Variants in PRSS38 observed in about 807,000 individuals in gnomAD.
PRSS38 encodes serine protease 38.
A neutral mutation model predicts 26.8 loss-of-function variants in PRSS38; 22 were observed. That is an observed-to-expected ratio of 0.82 (90% CI 0.59 to 1.17). The LOEUF is 1.17. Among genes scored for constraint, PRSS38 ranks in the 50% most tolerant of loss-of-function variants. The pLI, the probability that PRSS38 is intolerant of heterozygous loss-of-function variation, is 0.00. For missense variants in PRSS38, 427 were observed against 422.7 expected (o/e 1.01, Z -0.09); for synonymous variants, 175 against 172.1 (o/e 1.02, Z -0.13).
chr1:227,830,072 T>G (rs559406665), intron 3 of PRSS38, among the ~76,000 whole-genome samples: 42 of 152,326 alleles, frequency 2.8e-4, no homozygotes, highest in Non-Finnish European at 5.4e-4. Flanking sequence ...TCCTGATTTT[T>G]ATGTTATTGA....
At chr1:227,835,818 C>T (rs1382453818) in intron 3 of PRSS38, among the ~76,000 whole-genome samples, 1 of 152,150 alleles carries the variant, frequency 6.6e-6, no homozygotes, top group Non-Finnish European at 1.5e-5. Context: ...TGACTTTTGG[C>T]TTGATGAAAA....
chr1:227,845,695 C>A, intron 4 of PRSS38, 83 bp downstream of exon 4: 2 of 1,497,438 alleles, frequency 1.3e-6, no homozygotes, highest in Non-Finnish European at 1.8e-6. Flanking sequence ...TGGCCTCCCA[C>A]TGACTAGCAG....
chr1:227,842,840 G>T (rs529933526), intron 3 of PRSS38, among the ~76,000 whole-genome samples: 1 of 152,020 alleles, frequency 6.6e-6, no homozygotes. Flanking sequence ...GCCTCCCAAA[G>T]TGCTGGGACT....
chr1:227,819,529 A>G (rs894942093), intron 3 of PRSS38, among the ~76,000 whole-genome samples: 4 of 152,236 alleles, frequency 2.6e-5, no homozygotes, highest in Non-Finnish European at 5.9e-5. Flanking sequence ...GGAATTTTAT[A>G]GGAATTGCAT....
intron 3 of PRSS38, among the ~76,000 whole-genome samples, chr1:227,827,705 G>A (rs1665095825): frequency 1.3e-5 from 2 of 151,036 alleles, no homozygotes; most frequent in South Asian, 2.1e-4. Flanking sequence ...GTTCAGCTCT[G>A]ATCTTGGTTA....
rs751429113 is a variant in PRSS38, at chr1:227,816,136, T to C, written c.195T>C (p.Pro65=). 1.4e-5 allele frequency: 22 copies of C among 1,613,578 alleles called. No homozygotes were observed. The highest frequency in any genetic ancestry group is 2.7e-5 in the African/African-American group (2 of 74,904). Residue 65 remains proline, a synonymous_variant, in exon 2 of 5, where the codon CCT becomes CCC. Coordinates refer to ENST00000366757, the Ensembl canonical transcript of PRSS38. This position sits in a 1 kb window ranked among gnomAD's most constrained non-coding sequence, Gnocchi z 5.1. The stretch of plus-strand genomic sequence containing the variant: ...AGGGGAAAATCCTGGGCGGCGTCCC[T>C]GCGCCCGAGAGGAAGTGGCCGTGGC...
intron 3 of PRSS38, among the ~76,000 whole-genome samples, chr1:227,843,929 A>T (rs907579652): frequency 2.0e-5 from 3 of 151,864 alleles, no homozygotes; most frequent in South Asian, 4.2e-4. Flanking sequence ...TGGAGGTTGC[A>T]GTGAGCCAAG....
At chr1:227,843,707 TA>T (rs901847049) in intron 3 of PRSS38, among the ~76,000 whole-genome samples, 20 of 136,946 alleles carry the variant, frequency 1.5e-4, no homozygotes, top group African/African-American at 4.1e-4. Context: ...AACTCCATCT[TA>T]AAAAAAAAAT....
chr1:227,831,862 A>G (rs1665158033), intron 3 of PRSS38, among the ~76,000 whole-genome samples: 1 of 152,216 alleles, frequency 6.6e-6, no homozygotes, highest in Non-Finnish European at 1.5e-5. Flanking sequence ...AAAAAAAAGA[A>G]AGAAAGAAAA....
chr1:227,819,740 T>A (rs1398414673), intron 3 of PRSS38, among the ~76,000 whole-genome samples: 4 of 152,232 alleles, frequency 2.6e-5, no homozygotes, highest in Non-Finnish European at 5.9e-5. Flanking sequence ...CTATTGTAAA[T>A]GAAATTGCTT....
At chr1:227,838,130 T>C (rs1357572295) in intron 3 of PRSS38, among the ~76,000 whole-genome samples, 1 of 152,230 alleles carries the variant, frequency 6.6e-6, no homozygotes, top group Non-Finnish European at 1.5e-5. Flanking sequence ...TTTATTTTTA[T>C]ATTAATATTT....
intron 3 of PRSS38, among the ~76,000 whole-genome samples, chr1:227,823,881 T>C (rs1665034815): frequency 6.6e-6 from 1 of 152,154 alleles, no homozygotes; most frequent in South Asian, 2.1e-4. Flanking sequence ...CTAATAGCCG[T>C]ATTTTTGTTA....
chr1:227,843,570 C>T (rs191715965), intron 3 of PRSS38, among the ~76,000 whole-genome samples: 8 of 151,718 alleles, frequency 5.3e-5, no homozygotes, highest in South Asian at 2.1e-4. Flanking sequence ...GGTGTGGTGG[C>T]GCATGCCTGT....
chr1:227,830,217 A>G (rs1482257700), intron 3 of PRSS38, among the ~76,000 whole-genome samples: 1 of 152,146 alleles, frequency 6.6e-6, no homozygotes, highest in African/African-American at 2.4e-5. Flanking sequence ...TTTTGCAACT[A>G]CATTTATGAG....
chr1:227,817,598 T>A lies in PRSS38; in HGVS notation c.583+118T>A, dbSNP rs971395119. 11 of 956,046 alleles carry A rather than the reference T, an allele frequency of 1.2e-5. 1 individual carries two copies. In the Admixed American group the frequency reaches 2.1e-4, roughly 18 times the overall value. 59.2% of individuals were successfully genotyped at this position (956,046 alleles called of 1,614,324 possible). A position where few individuals can be genotyped will look rare whatever the true frequency, so the allele number is the denominator to read the frequency against. On this transcript the variant is annotated intron_variant, in intron 3 of 4. Transcript: ENST00000366757. ...GTTTGGGGACTGGAATCCCCACCTG[T>A]CAATCAACATTTATTTGTTTGTCAG...
exon 5 of PRSS38, chr1:227,846,292 C>T: frequency 6.5e-7 from 1 of 1,533,030 alleles, no homozygotes; most frequent in Non-Finnish European, 8.8e-7. Flanking sequence ...CATCTCCTGT[C>T]CTGGCCTCTC....
At chr1:227,837,600 T>C (rs1413329199) in intron 3 of PRSS38, among the ~76,000 whole-genome samples, 1 of 152,228 alleles carries the variant, frequency 6.6e-6, no homozygotes, top group African/African-American at 2.4e-5. Context: ...CTTGTTTATC[T>C]TGGGTCTATG....
intron 3 of PRSS38, among the ~76,000 whole-genome samples, chr1:227,819,865 C>A (rs776366316): frequency 6.6e-6 from 1 of 151,956 alleles, no homozygotes; most frequent in African/African-American, 2.4e-5. Flanking sequence ...CCAAGGCGGG[C>A]GGTTCACAAG....
chr1:227,817,415 C>T (rs1300481067), exon 3 of PRSS38: 2 of 1,614,054 alleles, frequency 1.2e-6, no homozygotes, highest in African/African-American at 2.7e-5. Flanking sequence ...TGCCTTGCAA[C>T]TCCAGAAGTG....
Sources: allele counts gnomAD v4.1 joint callset (sites outside exome capture counted in the v4.1 genomes callset), GRCh38; gene constraint gnomAD v4.1.1; non-coding constraint Gnocchi (gnomAD v3.1); transcripts MANE v1.5; gene names NCBI Gene and HGNC (gene_info 2026-07-23, HGNC 2026-07-21).